TMEFF2: variants seen among roughly 807,000 people sequenced by gnomAD.
TMEFF2 encodes tomoregulin-2.
In TMEFF2, 28 loss-of-function variants were observed where a neutral mutation model predicts 53.8. The observed-to-expected ratio is 0.52, with a 90% CI of 0.39 to 0.71. The LOEUF is 0.71. Among genes scored for constraint, TMEFF2 ranks in the 30% least tolerant of loss-of-function variants. The probability of loss-of-function intolerance (pLI) is 0.00; values close to 1 mark genes in which losing one functional copy is unlikely to be tolerated. For synonymous variants in TMEFF2, 162 were observed against 166.3 expected (o/e 0.97, Z 0.20); for missense variants, 353 against 455.2 (o/e 0.78, Z 2.04).
At chr2:192,116,278 C>T (rs891680655) in intron 4 of TMEFF2, among the ~76,000 whole-genome samples, 1 of 151,884 alleles carries the variant, frequency 6.6e-6, no homozygotes, top group Non-Finnish European at 1.5e-5. Context: ...TCTAAAGAGT[C>T]AAACTCATGG....
At chr2:192,013,062 A>C (rs1008252793) in intron 5 of TMEFF2, among the ~76,000 whole-genome samples, 1 of 152,212 alleles carries the variant, frequency 6.6e-6, no homozygotes, top group African/African-American at 2.4e-5. Context: ...TTCATGCTGC[A>C]GCTAGGGCAA....
chr2:192,009,412 T>G (rs1030989174), intron 5 of TMEFF2, among the ~76,000 whole-genome samples: 2 of 152,192 alleles, frequency 1.3e-5, no homozygotes, highest in Admixed American at 1.3e-4. Flanking sequence ...AATTAATTCT[T>G]AGTGTTTTTG....
chr2:192,006,193 G>A (rs964136697), intron 5 of TMEFF2, among the ~76,000 whole-genome samples: 11 of 151,730 alleles, frequency 7.2e-5, no homozygotes, highest in African/African-American at 2.7e-4. Flanking sequence ...GGCTCATCTT[G>A]CACGTGGAAA....
intron 4 of TMEFF2, among the ~76,000 whole-genome samples, chr2:192,100,200 C>T (rs1574372400): frequency 6.6e-6 from 1 of 152,046 alleles, no homozygotes; most frequent in Non-Finnish European, 1.5e-5. Context: ...ACTTAAAATA[C>T]ACTGCGCACA....
chr2:192,129,453 G>A (rs1032895528), intron 4 of TMEFF2, among the ~76,000 whole-genome samples: 4 of 151,636 alleles, frequency 2.6e-5, no homozygotes, highest in African/African-American at 9.7e-5. Flanking sequence ...AAGGAAAAAA[G>A]ACACTCTTAG....
intron 4 of TMEFF2, among the ~76,000 whole-genome samples, chr2:192,087,166 T>G (rs775492276): frequency 6.6e-6 from 1 of 151,846 alleles, no homozygotes; most frequent in Non-Finnish European, 1.5e-5. Context: ...TGAGGAGGGT[T>G]TTGTCTGTTC....
chr2:192,092,646 G>C (rs559317675), intron 4 of TMEFF2, among the ~76,000 whole-genome samples: 1 of 152,246 alleles, frequency 6.6e-6, no homozygotes, highest in Admixed American at 6.5e-5. Context: ...GCTGATGTGA[G>C]TAAGGACTTT....
intron 4 of TMEFF2, among the ~76,000 whole-genome samples, chr2:192,163,039 TA>T (rs1193448732): frequency 1.3e-5 from 2 of 152,140 alleles, no homozygotes; most frequent in African/African-American, 4.8e-5. Context: ...AGAAATAAGC[TA>T]AGGAGCACCA....
chr2:192,166,694 A>T (rs1042069159), intron 4 of TMEFF2, among the ~76,000 whole-genome samples: 2 of 152,110 alleles, frequency 1.3e-5, no homozygotes, highest in African/African-American at 4.8e-5. Context: ...GGGCAACAAA[A>T]TGGAGAGACT....
At chr2:192,126,741 CAG>C (rs1185419308) in intron 4 of TMEFF2, among the ~76,000 whole-genome samples, 1 of 152,144 alleles carries the variant, frequency 6.6e-6, no homozygotes, top group Non-Finnish European at 1.5e-5. Context: ...CTCAGAGAGA[CAG>C]GGTAAATTCC....
intron 5 of TMEFF2, chr2:192,030,333 C>T (rs1687097401): frequency 6.6e-6 from 1 of 152,158 alleles, no homozygotes; most frequent in Non-Finnish European, 1.5e-5. Flanking sequence ...GCTATAAGCA[C>T]ACATATGTGA....
intron 5 of TMEFF2, among the ~76,000 whole-genome samples, chr2:192,053,810 T>C (rs2105899199): frequency 6.6e-6 from 1 of 152,276 alleles, no homozygotes; most frequent in African/African-American, 2.4e-5. Flanking sequence ...GCCTCTTTCA[T>C]TCTATGCCTA....
intron 4 of TMEFF2, among the ~76,000 whole-genome samples, chr2:192,131,703 C>T (rs925848995): frequency 2.0e-5 from 3 of 152,062 alleles, no homozygotes; most frequent in African/African-American, 7.2e-5. Context: ...GGCAAGCTTC[C>T]ACCTTCCATT....
chr2:192,051,912 A>T (rs1687783044), intron 5 of TMEFF2, among the ~76,000 whole-genome samples: 2 of 152,222 alleles, frequency 1.3e-5, no homozygotes, highest in Non-Finnish European at 2.9e-5. Flanking sequence ...ACATTCATTC[A>T]TTCCTCTTTG....
chr2:192,099,775 G>A (rs1184295161), intron 4 of TMEFF2, among the ~76,000 whole-genome samples: 2 of 151,006 alleles, frequency 1.3e-5, no homozygotes, highest in East Asian at 1.9e-4. Context: ...TAATAATGAT[G>A]GGATTGCTTT....
chr2:192,158,346 A>T (rs1690554171), intron 4 of TMEFF2, among the ~76,000 whole-genome samples: 1 of 140,500 alleles, frequency 7.1e-6, no homozygotes, highest in Admixed American at 7.4e-5. Flanking sequence ...GTGTGTCAAG[A>T]ACTTTGTAAA....
chr2:191,991,183 ATTTC>A, intron 7 of TMEFF2, among the ~76,000 whole-genome samples: 1 of 152,238 alleles, frequency 6.6e-6, no homozygotes, highest in Middle Eastern at 3.4e-3. Context: ...TTCAATAAAT[ATTTC>A]TTTATAGATG....
Position 192,048,361 on chromosome 2 carries a change from A to C in TMEFF2, c.536+9318T>G, listed in dbSNP as rs201067422. Among the ~76,000 whole-genome samples, 44 of 143,250 alleles carry C rather than the reference A, an allele frequency of 3.1e-4. 1 individual carries two copies. The South Asian group carries it at 3.6e-3, about 12-fold the overall frequency. 94.0% of individuals were successfully genotyped at this position (143,250 alleles called of 152,430 possible). On this transcript the variant is annotated intron_variant, in intron 5 of 9. Transcript: ENST00000272771. Reference sequence around the variant, plus strand: ...GTAAAATATTATTAGATTCTCATAAAACACACACACACACACACACACACA... The same window carrying C: ...GTAAAATATTATTAGATTCTCATAACACACACACACACACACACACACACA...
intron 4 of TMEFF2, among the ~76,000 whole-genome samples, chr2:192,140,959 T>C (rs1690123031): frequency 6.6e-6 from 1 of 152,142 alleles, no homozygotes; most frequent in Admixed American, 6.5e-5. Context: ...ATTTACTATG[T>C]GAAAAGCATT....
Sources: gnomAD v4.1 joint callset for allele counts (sites outside exome capture counted in the v4.1 genomes callset) on GRCh38, gnomAD v4.1.1 for gene constraint, MANE v1.5 for transcripts, NCBI Gene and HGNC (gene_info 2026-07-23, HGNC 2026-07-21) for gene names.